XIAP: variants seen among roughly 807,000 people sequenced by gnomAD.
XIAP encodes E3 ubiquitin-protein ligase XIAP.
In XIAP, 3 loss-of-function variants were observed where a neutral mutation model predicts 33.1. The ratio of observed to expected loss-of-function variants is 0.09; its 90% CI spans 0.04 to 0.23. XIAP has a LOEUF of 0.23. Among genes scored for constraint, XIAP ranks in the 10% least tolerant of loss-of-function variants. The pLI is 1.00. For missense variants in XIAP, 264 were observed against 363.0 expected (o/e 0.73, Z 2.22); for synonymous variants, 98 against 121.3 (o/e 0.81, Z 1.26).
chrX:123,875,690 T>G (rs2053237738), intron 1 of XIAP, among the ~76,000 whole-genome samples: 1 of 47,129 alleles, frequency 2.1e-5, no homozygotes. Flanking sequence ...TTCTTATAGA[T>G]TTTTTTTTTT....
chrX:123,875,046 G>A (rs767178510), intron 1 of XIAP, among the ~76,000 whole-genome samples: 195 of 98,873 alleles, frequency 2.0e-3, no homozygotes, highest in Non-Finnish European at 3.0e-3. Flanking sequence ...TTTTGAGATG[G>A]AGTTTCCCTC....
Position 123,909,574 on chromosome X carries a change from A to G in XIAP, c.*2393A>G. On this transcript the variant is annotated 3_prime_UTR_variant, in exon 7 of 7. Transcript: ENST00000371199. The stretch of plus-strand genomic sequence containing the variant: ...AGGACACTTCACTTCCAAGTCAGGT[A>G]GGTAGTTCAATCTAGTTGTTAGCCA... 1 of 329,435 alleles carries G rather than the reference A, an allele frequency of 3.0e-6. No homozygotes were observed. 27.1% of individuals were successfully genotyped at this position (329,435 alleles called of 1,213,427 possible). A position where few individuals can be genotyped will look rare whatever the true frequency, so the allele number is the denominator to read the frequency against.
chrX:123,861,587 A>G (rs1345732560), intron 1 of XIAP, among the ~76,000 whole-genome samples: 1 of 111,855 alleles, frequency 8.9e-6, no homozygotes, highest in Non-Finnish European at 1.9e-5. Flanking sequence ...GAGATAGAAG[A>G]CTTTTTACTT....
chrX:123,889,603 C>T (rs980945254), intron 3 of XIAP, among the ~76,000 whole-genome samples: 3 of 109,105 alleles, frequency 2.7e-5, no homozygotes, highest in East Asian at 2.9e-4. Context: ...CTGCAATCTC[C>T]GCCTCCTGGG....
At chrX:123,865,567 A>T (rs1347643301) in intron 1 of XIAP, among the ~76,000 whole-genome samples, 22 of 106,072 alleles carry the variant, frequency 2.1e-4, no homozygotes, top group Non-Finnish European at 4.3e-4. Flanking sequence ...AAAAAAAAAT[A>T]CAAAAAATTA....
intron 1 of XIAP, 113 bp from the exon 2 acceptor site, chrX:123,885,518 C>T (rs1040822888): frequency 7.3e-6 from 4 of 547,478 alleles, no homozygotes; most frequent in East Asian, 3.4e-5. Flanking sequence ...TGTTTCTTAG[C>T]GGTCGTGTAG....
intron 5 of XIAP, 110 bp from the exon 6 acceptor site, chrX:123,900,383 T>C (rs1246948978): frequency 1.4e-6 from 1 of 704,235 alleles, no homozygotes; most frequent in Non-Finnish European, 2.1e-6. Context: ...TTTTATTCTT[T>C]CGCTTGCTCC....
At chrX:123,904,604 T>G (rs1480169321) in intron 6 of XIAP, among the ~76,000 whole-genome samples, 1 of 103,699 alleles carries the variant, frequency 9.6e-6, no homozygotes, top group Non-Finnish European at 2.0e-5. Context: ...TGGTAGAGTT[T>G]TGTTTTGTTT....
chrX:123,880,737 CAAAAAA>C (rs35365799), intron 1 of XIAP, among the ~76,000 whole-genome samples: 2,016 of 63,936 alleles, frequency 0.032, 61 homozygotes, highest in African/African-American at 0.1. Flanking sequence ...AACTCTGTTT[CAAAAAA>C]AAAAAAAAAA....
chrX:123,901,083 G>GA (rs1444289822), intron 6 of XIAP, among the ~76,000 whole-genome samples: 1 of 111,379 alleles, frequency 9.0e-6, no homozygotes, highest in Non-Finnish European at 1.9e-5. Flanking sequence ...CATCATGGGG[G>GA]GGTCTCATCT....
At chrX:123,873,101 G>GCTCACCGCAATCTCA (rs2148076243) in intron 1 of XIAP, 1 of 106,503 alleles carries the variant, frequency 9.4e-6, no homozygotes, top group African/African-American at 3.5e-5. Context: ...GCGCAATCTC[G>GCTCACCGCAATCTCA]GCTCACCGCA....
chrX:123,896,952 A>T (rs2053466596), intron 5 of XIAP, among the ~76,000 whole-genome samples: 1 of 79,911 alleles, frequency 1.3e-5, no homozygotes, highest in Admixed American at 1.6e-4. Flanking sequence ...TTTTTTTGAG[A>T]CGGAGTTTTG....
intron 2 of XIAP, among the ~76,000 whole-genome samples, chrX:123,888,004 T>TAATTAATA: frequency 1.5e-5 from 1 of 66,523 alleles, no homozygotes; most frequent in African/African-American, 5.2e-5. Context: ...TAATAATAAT[T>TAATTAATA]AATAAATAAA....
chrX:123,863,907 C>G (rs1304982793), intron 1 of XIAP, among the ~76,000 whole-genome samples: 1 of 111,882 alleles, frequency 8.9e-6, no homozygotes, highest in Non-Finnish European at 1.9e-5. Context: ...TCTAGTGGCC[C>G]TTGTACTATA....
intron 1 of XIAP, among the ~76,000 whole-genome samples, chrX:123,877,928 C>G (rs965423143): frequency 1.9e-5 from 2 of 106,211 alleles, no homozygotes; most frequent in African/African-American, 7.1e-5. Flanking sequence ...GAGCCGAGAT[C>G]GCGCCACTGC....
At chrX:123,860,385 G>T (rs1362380770) in intron 1 of XIAP, 92 bp downstream of exon 1, 2 of 306,583 alleles carry the variant, frequency 6.5e-6, no homozygotes, top group Non-Finnish European at 1.3e-5. Flanking sequence ...ACTTCCCTCG[G>T]GCCGGCGCTG....
intron 1 of XIAP, among the ~76,000 whole-genome samples, chrX:123,869,241 G>A (rs745943573): frequency 1.2e-4 from 13 of 107,087 alleles, no homozygotes; most frequent in African/African-American, 3.7e-4. Flanking sequence ...CTGGCTGGGC[G>A]CAGTGGCTCA....
chrX:123,864,273 T>TGTAA (rs1320119847), intron 1 of XIAP, among the ~76,000 whole-genome samples: 8 of 66,778 alleles, frequency 1.2e-4, no homozygotes, highest in Non-Finnish European at 2.4e-4. Context: ...AGCGATAAAA[T>TGTAA]AATGATATTT....
rs1476954991 is a variant in XIAP at position 123,886,552 on chromosome X, A to G, written c.877+13A>G. The G allele has an allele frequency of 1.7e-6, 2 of 1,197,983 alleles. No individual in the cohort carries two copies. Among genetic ancestry groups the G allele is most frequent in the Admixed American group, 2.2e-5 (1 of 45,577 alleles). On this transcript the variant is annotated intron_variant, in intron 2 of 6. Coordinates refer to ENST00000371199, the MANE Select transcript of XIAP (RefSeq NM_001167.4). ...TTTTATGCTTTAGGTAAACTTTATT[A>G]TAAAACCAATAAATAGCTTCCCAAG... is the stretch of plus-strand genomic sequence containing the variant.
Sources: allele counts gnomAD v4.1 joint callset (sites outside exome capture counted in the v4.1 genomes callset), GRCh38; gene constraint gnomAD v4.1.1; transcripts MANE v1.5; gene names NCBI Gene and HGNC (gene_info 2026-07-23, HGNC 2026-07-21).